RPTOR: variants seen among roughly 807,000 people sequenced by gnomAD.
RPTOR encodes the protein regulatory-associated protein of mTOR.
Under a neutral mutation model 169.9 loss-of-function variants are expected in RPTOR, and 21 were observed. That is an observed-to-expected ratio of 0.12 (90% CI 0.09 to 0.18). The LOEUF is 0.18. RPTOR is among the 10% of genes least tolerant of loss of function. The pLI is 1.00. For synonymous variants in RPTOR, 732 were observed against 753.2 expected (o/e 0.97, Z 0.46); for missense variants, 1,133 against 1,855.9 (o/e 0.61, Z 7.16).
rs2143295469 is a variant in RPTOR, at chr17:80,746,169, A to AAG, written c.655-7840_655-7839insGA. Among the ~76,000 whole-genome samples, 1 of 151,554 alleles carries AAG rather than the reference A, an allele frequency of 6.6e-6. No individual in the cohort carries two copies. Among genetic ancestry groups the AAG allele is most frequent in the South Asian group, 2.1e-4 (1 of 4,780 alleles). On this transcript the variant is annotated intron_variant, in intron 5 of 33. Transcript: ENST00000306801. The surrounding 1 kb of genome is among the most constrained non-coding windows in gnomAD (Gnocchi z 4.5). ...AAGAGCAAACCTCCATCTCAAAAAA[A>AAG]AAAAAAAAAGTGCAGTGCAGGTGAT...
intron 7 of RPTOR, among the ~76,000 whole-genome samples, chr17:80,814,919 C>G (rs1412747377): frequency 6.6e-6 from 1 of 152,074 alleles, no homozygotes; most frequent in African/African-American, 2.4e-5. Flanking sequence ...TGAGAGGAGG[C>G]CGGACTTGAG....
chr17:80,901,322 T>G (rs1460649834), intron 20 of RPTOR, among the ~76,000 whole-genome samples: 1 of 152,020 alleles, frequency 6.6e-6, no homozygotes, highest in Non-Finnish European at 1.5e-5. Flanking sequence ...TTTTCTGTCT[T>G]CTCGAAGGAG....
At chr17:80,547,940 C>G (rs891314784) in intron 1 of RPTOR, among the ~76,000 whole-genome samples, 2 of 152,114 alleles carry the variant, frequency 1.3e-5, no homozygotes. Context: ...CCAGGCCTCT[C>G]TCTTTGTCTT....
intron 26 of RPTOR, among the ~76,000 whole-genome samples, chr17:80,946,268 T>C (rs763281814): frequency 6.6e-5 from 10 of 152,254 alleles, no homozygotes; most frequent in Non-Finnish European, 1.2e-4. Context: ...GTTTAGAGTT[T>C]ATAAAATCTC....
chr17:80,728,414 G>A (rs982323857), intron 4 of RPTOR, among the ~76,000 whole-genome samples: 1 of 144,984 alleles, frequency 6.9e-6, no homozygotes, highest in Non-Finnish European at 1.5e-5. Flanking sequence ...ATTTTCCTGT[G>A]CTTTTACATT....
chr17:80,940,958 T>G (rs2069018635), intron 25 of RPTOR, among the ~76,000 whole-genome samples: 1 of 152,216 alleles, frequency 6.6e-6, no homozygotes, highest in African/African-American at 2.4e-5. Flanking sequence ...GGCGGAACTT[T>G]GCATGTTGAC....
chr17:80,745,705 AG>A (rs1253621784), intron 5 of RPTOR, among the ~76,000 whole-genome samples: 1 of 152,242 alleles, frequency 6.6e-6, no homozygotes, highest in East Asian at 1.9e-4. Context: ...TGAGAATAAA[AG>A]TTACTTTAAG....
intron 21 of RPTOR, among the ~76,000 whole-genome samples, chr17:80,920,044 C>T (rs1385258504): frequency 6.6e-6 from 1 of 152,238 alleles, no homozygotes; most frequent in Non-Finnish European, 1.5e-5. Context: ...TTGCCGTGCC[C>T]TCTCTGTTCA....
intron 6 of RPTOR, chr17:80,774,134 C>T (rs2066870706): frequency 2.1e-5 from 21 of 985,248 alleles, no homozygotes; most frequent in Non-Finnish European, 2.4e-5. Flanking sequence ...TGGTGTGACT[C>T]GAGGGCGCTG....
At chr17:80,676,428 G>A (rs1291032220) in intron 3 of RPTOR, among the ~76,000 whole-genome samples, 1 of 152,172 alleles carries the variant, frequency 6.6e-6, no homozygotes, top group East Asian at 1.9e-4. Context: ...CTTCTGTTCC[G>A]GGGTAGCCAG....
intron 7 of RPTOR, among the ~76,000 whole-genome samples, chr17:80,809,323 G>A (rs1407521189): frequency 1.3e-5 from 2 of 152,132 alleles, no homozygotes; most frequent in Non-Finnish European, 2.9e-5. Flanking sequence ...TGTTGAGTAA[G>A]TGGGATTACA....
intron 7 of RPTOR, among the ~76,000 whole-genome samples, chr17:80,821,568 C>T (rs1392574808): frequency 6.6e-6 from 1 of 152,178 alleles, no homozygotes; most frequent in Non-Finnish European, 1.5e-5. Context: ...TGGCAGCAGC[C>T]TCATCCCCCC....
At chr17:80,852,866 C>T (rs556723064) in intron 11 of RPTOR, among the ~76,000 whole-genome samples, 52 of 152,230 alleles carry the variant, frequency 3.4e-4, no homozygotes, top group African/African-American at 1.1e-3. Context: ...TGGCCGCCAT[C>T]TCCTCTCCCC....
chr17:80,838,037 A>AG, intron 10 of RPTOR, 40 bp downstream of exon 10: 1 of 1,551,470 alleles, frequency 6.4e-7, no homozygotes, highest in Non-Finnish European at 8.8e-7. Flanking sequence ...CCGCGGCGGC[A>AG]GCCACTTCTC....
Position 80,657,829 on chromosome 17 carries a change from C to A in RPTOR, c.348+14019C>A, listed in dbSNP as rs1490211689. 2.0e-5 allele frequency among the ~76,000 whole-genome samples: 3 copies of A among 152,104 alleles called. No individual in the cohort carries two copies. The East Asian group carries it at 5.8e-4, about 29-fold the overall frequency. On this transcript the variant is annotated intron_variant, in intron 3 of 33. Coordinates refer to ENST00000306801, the MANE Select transcript of RPTOR (RefSeq NM_020761.3). ...ACTGTGTATCTGGGGTTAAATCCAC[C>A]ACCCTCCTATTTATTTTAGTTTTGT...
intron 5 of RPTOR, among the ~76,000 whole-genome samples, chr17:80,735,809 A>G (rs990438395): frequency 1.7e-4 from 25 of 151,382 alleles, no homozygotes; most frequent in Admixed American, 1.6e-3. Context: ...TTTTGGTGGG[A>G]GCCATGGAAA....
rs112003627 is a variant in RPTOR at position 80,965,825 on chromosome 17, G to A, written c.*1495G>A. 3.5e-5 allele frequency: 8 copies of A among 231,810 alleles called. No individual in the cohort carries two copies. Among genetic ancestry groups the A allele is most frequent in the African/African-American group, 4.4e-5 (2 of 45,038 alleles). 14.4% of individuals were successfully genotyped at this position (231,810 alleles called of 1,614,324 possible). A position where few individuals can be genotyped will look rare whatever the true frequency, so the allele number is the denominator to read the frequency against. On this transcript the variant is annotated 3_prime_UTR_variant, in exon 34 of 34. Transcript: ENST00000306801. The stretch of plus-strand genomic sequence containing the variant: ...GCAGGACAGAGGCGGCCCCTCCGCT[G>A]CTCCTTTTTGGAATGCGAGCTCCCA...
chr17:80,650,020 T>G (rs2065627643), intron 3 of RPTOR, among the ~76,000 whole-genome samples: 1 of 152,256 alleles, frequency 6.6e-6, no homozygotes, highest in Non-Finnish European at 1.5e-5. Flanking sequence ...CATAAAGGTG[T>G]TGTCACCTAC....
In RPTOR at chr17:80,726,640, A is replaced by G. The variant is rs2066337579; in HGVS notation, c.508-3920A>G. 6.6e-6 allele frequency among the ~76,000 whole-genome samples: 1 copy of G among 152,144 alleles called. No individual in the cohort carries two copies. The highest frequency in any genetic ancestry group is 1.5e-5 in the Non-Finnish European group (1 of 68,020). ...CCTAGAAGGTAGTAAAGATGACAGC[A>G]GCCCCCGTTTCACTGATGGTGGCGC... On this transcript the variant is annotated intron_variant, in intron 4 of 33. Coordinates refer to ENST00000306801, the MANE Select transcript of RPTOR (RefSeq NM_020761.3). The surrounding 1 kb of genome is among the most constrained non-coding windows in gnomAD (Gnocchi z 4.5).
Sources: gnomAD v4.1 joint callset for allele counts (sites outside exome capture counted in the v4.1 genomes callset) on GRCh38, gnomAD v4.1.1 for gene constraint, Gnocchi (gnomAD v3.1) non-coding constraint, MANE v1.5 for transcripts, NCBI Gene and HGNC (gene_info 2026-07-23, HGNC 2026-07-21) for gene names.